Variants in ACER3 observed in about 807,000 individuals in gnomAD.
The protein encoded by ACER3 is alkaline ceramidase 3, also known as alkCDase 3.
In ACER3, 16 loss-of-function variants were observed where a neutral mutation model predicts 48.9. The observed-to-expected ratio is 0.33, with a 90% CI of 0.22 to 0.50. The LOEUF (loss-of-function observed/expected upper bound fraction) is 0.50, where lower values mean the gene tolerates loss of function less well. ACER3 is among the 20% of genes least tolerant of loss of function. The pLI, the probability that ACER3 is intolerant of heterozygous loss-of-function variation, is 0.98. For synonymous variants in ACER3, 109 were observed against 107.8 expected (o/e 1.01, Z -0.07); for missense variants, 227 against 326.0 (o/e 0.70, Z 2.34).
chr11:76,967,729 C>CA (rs1258823186), intron 3 of ACER3, among the ~76,000 whole-genome samples: 1 of 152,140 alleles, frequency 6.6e-6, no homozygotes, highest in Non-Finnish European at 1.5e-5. Flanking sequence ...AGGCCTTTGA[C>CA]AAAATTCAAC....
In ACER3 at chr11:76,926,624, C is replaced by T. The variant is rs751139978; in HGVS notation, c.171C>T (p.Asp57=). Residue 57 remains aspartate, a synonymous_variant, in exon 2 of 11, where the codon GAC becomes GAT. Coordinates refer to ENST00000532485, the MANE Select transcript of ACER3 (RefSeq NM_018367.7). ...TCGGTGCAGTTCAGAGTGTTAGAGA[C>T]GGTCTGGAAAAGCGGTACATTGCTT... ...PMFGAVQSVR[D]GLEKRYIASY... The T allele has an allele frequency of 9.3e-6, 15 of 1,607,602 alleles. No homozygotes were observed. The highest frequency in any genetic ancestry group is 1.6e-4 in the Middle Eastern group (1 of 6,072).
At chr11:76,993,635 G>A (rs1425449828) in intron 6 of ACER3, among the ~76,000 whole-genome samples, 1 of 152,198 alleles carries the variant, frequency 6.6e-6, no homozygotes, top group Non-Finnish European at 1.5e-5. Context: ...AGAAGCATGT[G>A]TTAAGGCAGC....
intron 6 of ACER3, among the ~76,000 whole-genome samples, chr11:76,997,883 A>T (rs2135255891): frequency 6.6e-6 from 1 of 152,310 alleles, no homozygotes; most frequent in East Asian, 1.9e-4. Context: ...TTCTATTATA[A>T]CTCAAAAGCA....
intron 1 of ACER3, among the ~76,000 whole-genome samples, chr11:76,887,813 T>TTTTAAC (rs1945709482): frequency 2.7e-5 from 1 of 36,892 alleles, no homozygotes; most frequent in Non-Finnish European, 1.2e-4. Flanking sequence ...ATAGGTAACT[T>TTTTAAC]TTTTTTTTTT....
intron 1 of ACER3, among the ~76,000 whole-genome samples, chr11:76,915,542 C>G (rs552768224): frequency 6.6e-6 from 1 of 152,108 alleles, no homozygotes; most frequent in Non-Finnish European, 1.5e-5. Flanking sequence ...AGAGGCAATG[C>G]GATAATTGCT....
At chr11:76,892,780 A>C (rs916454927) in intron 1 of ACER3, among the ~76,000 whole-genome samples, 1 of 152,224 alleles carries the variant, frequency 6.6e-6, no homozygotes. Flanking sequence ...AATTAAGTTA[A>C]ATTAAATAAA....
intron 3 of ACER3, among the ~76,000 whole-genome samples, chr11:76,972,916 C>G (rs1948344082): frequency 6.6e-6 from 1 of 152,266 alleles, no homozygotes; most frequent in South Asian, 2.1e-4. Flanking sequence ...GAGGGTCTGA[C>G]ACCCACAGTG....
At chr11:76,946,278 A>G (rs1013289724) in intron 2 of ACER3, among the ~76,000 whole-genome samples, 1 of 152,158 alleles carries the variant, frequency 6.6e-6, no homozygotes, top group African/African-American at 2.4e-5. Context: ...AACTTTCTAA[A>G]TGATGCCTTG....
At chr11:76,931,366 C>T (rs1015436615) in intron 2 of ACER3, among the ~76,000 whole-genome samples, 17 of 146,878 alleles carry the variant, frequency 1.2e-4, no homozygotes, top group African/African-American at 3.8e-4. Context: ...TGTCTCTGCA[C>T]ATGAGATGGA....
intron 2 of ACER3, among the ~76,000 whole-genome samples, chr11:76,930,276 A>G (rs1415761225): frequency 6.6e-6 from 1 of 152,136 alleles, no homozygotes; most frequent in Non-Finnish European, 1.5e-5. Context: ...ATATTCTGTG[A>G]TGGTAGTTTG....
chr11:76,878,471 C>T (rs553471726), intron 1 of ACER3, among the ~76,000 whole-genome samples: 60 of 152,052 alleles, frequency 3.9e-4, no homozygotes, highest in African/African-American at 1.3e-3. Context: ...ATTTAAGATT[C>T]GTATTTTTGA....
At chr11:77,002,602 A>C (rs1555020075) in intron 7 of ACER3, among the ~76,000 whole-genome samples, 1 of 152,148 alleles carries the variant, frequency 6.6e-6, no homozygotes, top group East Asian at 1.9e-4. Flanking sequence ...AGGATACTAT[A>C]CATTTCATTA....
intron 1 of ACER3, among the ~76,000 whole-genome samples, chr11:76,906,559 G>C (rs1946237065): frequency 6.6e-6 from 1 of 152,104 alleles, no homozygotes; most frequent in African/African-American, 2.4e-5. Context: ...CCTTCAGAGA[G>C]GCTAATTTGA....
intron 4 of ACER3, among the ~76,000 whole-genome samples, chr11:76,983,072 T>C (rs1803973283): frequency 6.6e-6 from 1 of 152,230 alleles, no homozygotes; most frequent in South Asian, 2.1e-4. Flanking sequence ...TTCCTTTGCA[T>C]TTCCACATAA....
At chr11:76,960,213 A>G (rs1565200663) in intron 3 of ACER3, among the ~76,000 whole-genome samples, 1 of 152,066 alleles carries the variant, frequency 6.6e-6, no homozygotes, top group African/African-American at 2.4e-5. Context: ...GATTGAGACC[A>G]TCCTGGCCAA....
intron 5 of ACER3, among the ~76,000 whole-genome samples, chr11:76,986,085 T>A (rs950354153): frequency 1.3e-5 from 2 of 152,246 alleles, no homozygotes; most frequent in Non-Finnish European, 2.9e-5. Context: ...TTGTAATGGT[T>A]AACTTTTCTC....
At chr11:77,010,163 AAAT>A (rs59504202) in intron 7 of ACER3, among the ~76,000 whole-genome samples, 6,657 of 146,390 alleles carry the variant, frequency 0.045, 188 homozygotes, top group African/African-American at 0.079. Context: ...TCTCTACCAG[AAAT>A]AATAATAATA....
intron 1 of ACER3, among the ~76,000 whole-genome samples, chr11:76,923,774 G>A (rs1307588314): frequency 6.6e-6 from 1 of 152,148 alleles, no homozygotes; most frequent in East Asian, 1.9e-4. Context: ...TGCCCAGTGT[G>A]ATACAAATTT....
chr11:76,881,586 C>G (rs7106625), intron 1 of ACER3, among the ~76,000 whole-genome samples: 107,176 of 152,024 alleles, frequency 0.7, 38,092 homozygotes, highest in Non-Finnish European at 0.74. Context: ...GAAGCTTGCA[C>G]AATAAGGCAA....
Sources: allele counts gnomAD v4.1 joint callset (sites outside exome capture counted in the v4.1 genomes callset), GRCh38; gene constraint gnomAD v4.1.1; transcripts MANE v1.5; gene names NCBI Gene and HGNC (gene_info 2026-07-23, HGNC 2026-07-21).